Variants in UNC5C observed in about 807,000 individuals in gnomAD.
UNC5C encodes the protein netrin receptor UNC5C.
Under a neutral mutation model 99.8 loss-of-function variants are expected in UNC5C, and 47 were observed. The ratio of observed to expected loss-of-function variants is 0.47; its 90% CI spans 0.37 to 0.60. The LOEUF is 0.60. UNC5C is among the 20% of genes least tolerant of loss of function. The probability of loss-of-function intolerance (pLI) is 0.00; values close to 1 mark genes in which losing one functional copy is unlikely to be tolerated. For synonymous variants in UNC5C, 487 were observed against 452.2 expected, an observed-to-expected ratio of 1.08 and a Z score of -0.98; for missense variants, 1,062 against 1,165.9, an observed-to-expected ratio of 0.91 and a Z score of 1.30.
intron 3 of UNC5C, among the ~76,000 whole-genome samples, chr4:95,284,123 G>A (rs1013708296): frequency 6.6e-6 from 1 of 151,460 alleles, no homozygotes; most frequent in Non-Finnish European, 1.5e-5. Flanking sequence ...TGCTTTCAGT[G>A]ATTTTTTTTT....
At position 95,186,976 on chromosome 4, in the gene UNC5C, CACACCCCACTCCATG is replaced by C. The variant is rs532570426; in HGVS notation, c.2137-1795_2137-1781del. Among the ~76,000 whole-genome samples, 32 of 152,220 alleles carry C rather than the reference CACACCCCACTCCATG, an allele frequency of 2.1e-4. No homozygotes were observed. In the South Asian group the frequency reaches 5.8e-3, roughly 28 times the overall value. On this transcript the variant is annotated intron_variant, in intron 12 of 15. Transcript: ENST00000453304. The stretch of plus-strand genomic sequence containing the variant: ...CACACACGCTCCTCACAGAACGTGG[CACACCCCACTCCATG>C]ACACCCCACTCCACGACAAGAATAG...
At chr4:95,426,325 G>A (rs188103201) in intron 1 of UNC5C, among the ~76,000 whole-genome samples, 2 of 152,252 alleles carry the variant, frequency 1.3e-5, no homozygotes, top group Non-Finnish European at 2.9e-5. Context: ...AATGTTATGT[G>A]TTTTCTGATT....
intron 2 of UNC5C, among the ~76,000 whole-genome samples, chr4:95,319,344 C>T (rs1016759010): frequency 2.6e-5 from 4 of 152,098 alleles, no homozygotes; most frequent in South Asian, 2.1e-4. Flanking sequence ...TAGTTCCTTG[C>T]GGCTCTTGCC....
At chr4:95,437,416 T>C (rs1229843441) in intron 1 of UNC5C, among the ~76,000 whole-genome samples, 1 of 151,916 alleles carries the variant, frequency 6.6e-6, no homozygotes, top group African/African-American at 2.4e-5. Context: ...CTACAAATCA[T>C]AGTATCGTAT....
chr4:95,272,594 T>C (rs1403885882), intron 4 of UNC5C, among the ~76,000 whole-genome samples: 1 of 152,218 alleles, frequency 6.6e-6, no homozygotes, highest in Non-Finnish European at 1.5e-5. Context: ...GGAGGTGACT[T>C]TGGCGAATGT....
At chr4:95,184,996 C>T in intron 13 of UNC5C, 51 bp downstream of exon 13, 1 of 1,506,812 alleles carries the variant, frequency 6.6e-7, no homozygotes, top group Non-Finnish European at 8.9e-7. Flanking sequence ...TAATTTTAGA[C>T]CTCTTTCTTA....
chr4:95,203,777 A>G (rs1224363985), intron 11 of UNC5C, among the ~76,000 whole-genome samples: 5 of 152,012 alleles, frequency 3.3e-5, no homozygotes, highest in Admixed American at 6.6e-5. Flanking sequence ...ACTTTTTAAC[A>G]TGTTTTATAT....
At chr4:95,390,533 C>G (rs976710459) in intron 1 of UNC5C, among the ~76,000 whole-genome samples, 16 of 152,146 alleles carry the variant, frequency 1.1e-4, no homozygotes, top group Non-Finnish European at 8.8e-5. Context: ...GAATTGAGGT[C>G]CAAGTCCTGC....
intron 12 of UNC5C, among the ~76,000 whole-genome samples, chr4:95,193,966 T>TCTGC (rs1234657406): frequency 2.0e-5 from 3 of 152,304 alleles, no homozygotes; most frequent in Admixed American, 6.5e-5. Flanking sequence ...CCTGAGTTTG[T>TCTGC]CTGCCTTACT....
rs567426409 is a variant in UNC5C, at chr4:95,422,214, G to A, written c.125-86583C>T. Among the ~76,000 whole-genome samples the A allele has an allele frequency of 3.3e-5, 5 of 152,290 alleles. No homozygotes were observed. The East Asian group carries it at 9.7e-4, about 29-fold the overall frequency. On this transcript the variant is annotated intron_variant, in intron 1 of 15. Coordinates refer to ENST00000453304, the MANE Select transcript of UNC5C (RefSeq NM_003728.4). The stretch of plus-strand genomic sequence containing the variant: ...TTCCTGGATTGTCTGCATTTGCATA[G>A]TAATATTAAGTTCATCTTCTTGGCA...
chr4:95,206,877 G>C lies in UNC5C; in HGVS notation c.1734-81C>G. The C allele has an allele frequency of 2.6e-6, 3 of 1,175,080 alleles. No homozygotes were observed. The South Asian group carries it at 6.8e-5, about 26-fold the overall frequency. The allele number at this position is 1,175,080 out of a possible 1,614,324, so 72.8% of individuals were successfully genotyped here. A position where few individuals can be genotyped will look rare whatever the true frequency, so the allele number is the denominator to read the frequency against. ...TGCACTTGGGTTCTGAAGGCAAACA[G>C]GTCAAGTAGTTTTCTCCTGGAATTC... On this transcript the variant is annotated intron_variant, in intron 10 of 15. Coordinates refer to ENST00000453304, the MANE Select transcript of UNC5C (RefSeq NM_003728.4).
chr4:95,416,878 A>G (rs1439445447), intron 1 of UNC5C, among the ~76,000 whole-genome samples: 4 of 152,204 alleles, frequency 2.6e-5, no homozygotes, highest in Admixed American at 6.5e-5. Context: ...TAAACACTCA[A>G]CAAAGATTTA....
chr4:95,482,314 A>C (rs1412524123), intron 1 of UNC5C, among the ~76,000 whole-genome samples: 1 of 152,060 alleles, frequency 6.6e-6, no homozygotes, highest in Non-Finnish European at 1.5e-5. Flanking sequence ...ATGAGATACC[A>C]TCTCACACCA....
chr4:95,391,327 C>T (rs1039469762), intron 1 of UNC5C, among the ~76,000 whole-genome samples: 2 of 152,300 alleles, frequency 1.3e-5, no homozygotes, highest in African/African-American at 4.8e-5. Flanking sequence ...TCTCCGACTC[C>T]TGAACTCAAG....
intron 1 of UNC5C, among the ~76,000 whole-genome samples, chr4:95,532,498 T>C (rs1036519905): frequency 6.7e-6 from 1 of 148,568 alleles, no homozygotes; most frequent in African/African-American, 2.5e-5. Context: ...TGCCAAAAGC[T>C]GTATCACATC....
chr4:95,174,161 T>TATC (rs939418784), intron 14 of UNC5C, among the ~76,000 whole-genome samples: 2 of 152,168 alleles, frequency 1.3e-5, no homozygotes, highest in African/African-American at 4.8e-5. Flanking sequence ...GCTAGCAGTC[T>TATC]ATCAATTTTA....
At chr4:95,440,681 GA>G (rs201730109) in intron 1 of UNC5C, among the ~76,000 whole-genome samples, 16 of 150,362 alleles carry the variant, frequency 1.1e-4, no homozygotes, top group Non-Finnish European at 1.8e-4. Flanking sequence ...ACCTGACACC[GA>G]AAAAAAAAGC....
intron 1 of UNC5C, among the ~76,000 whole-genome samples, chr4:95,412,719 A>G (rs1746032103): frequency 6.6e-6 from 1 of 152,216 alleles, no homozygotes; most frequent in African/African-American, 2.4e-5. Context: ...GACAATTAAT[A>G]TGTAAATATT....
intron 4 of UNC5C, among the ~76,000 whole-genome samples, chr4:95,260,807 G>A (rs1740192414): frequency 6.6e-6 from 1 of 152,114 alleles, no homozygotes; most frequent in South Asian, 2.1e-4. Flanking sequence ...GAAGCAGTTG[G>A]GAGGAATGGA....
Sources: allele counts gnomAD v4.1 joint callset (sites outside exome capture counted in the v4.1 genomes callset), GRCh38; gene constraint gnomAD v4.1.1; transcripts MANE v1.5; gene names NCBI Gene and HGNC (gene_info 2026-07-23, HGNC 2026-07-21).